Variants in SLC4A7 observed in about 807,000 individuals in gnomAD.
The protein encoded by SLC4A7 is sodium bicarbonate cotransporter 3.
In SLC4A7, 51 loss-of-function variants were observed where a neutral mutation model predicts 137.6. The ratio of observed to expected loss-of-function variants is 0.37; its 90% CI spans 0.30 to 0.47. The LOEUF is 0.47. Among genes scored for constraint, SLC4A7 ranks in the 20% least tolerant of loss-of-function variants. The pLI is 1.00. For synonymous variants in SLC4A7, 542 were observed against 518.6 expected (o/e 1.05, Z -0.61); for missense variants, 1,247 against 1,525.4 (o/e 0.82, Z 3.04).
At chr3:27,464,513 C>T (rs1377339036) in intron 1 of SLC4A7, among the ~76,000 whole-genome samples, 12 of 151,874 alleles carry the variant, frequency 7.9e-5, no homozygotes, top group Admixed American at 7.9e-4. Flanking sequence ...CTGGAAAACA[C>T]AGCAAACCCC....
intron 11 of SLC4A7, among the ~76,000 whole-genome samples, chr3:27,414,984 T>C (rs1349989758): frequency 1.3e-5 from 2 of 152,198 alleles, no homozygotes; most frequent in Middle Eastern, 3.2e-3. Flanking sequence ...ATAATAATGA[T>C]GGTGCCTTCA....
At chr3:27,419,681 A>G (rs1488851037) in intron 10 of SLC4A7, among the ~76,000 whole-genome samples, 5 of 151,872 alleles carry the variant, frequency 3.3e-5, no homozygotes, top group Non-Finnish European at 7.4e-5. Flanking sequence ...AGTCATTAAT[A>G]TCTTTGGACT....
intron 21 of SLC4A7, among the ~76,000 whole-genome samples, chr3:27,390,897 C>T (rs2051481983): frequency 1.3e-5 from 2 of 152,114 alleles, no homozygotes; most frequent in Admixed American, 6.5e-5. Flanking sequence ...GACTACAGCT[C>T]ACAGCAGCCT....
At chr3:27,437,351 C>CAA (rs538588474) in intron 4 of SLC4A7, 37 bp downstream of exon 4, 836 of 1,107,614 alleles carry the variant, frequency 7.5e-4, no homozygotes, top group South Asian at 1.3e-3. Context: ...AACTCCATCT[C>CAA]AAAAAAAAAA....
intron 3 of SLC4A7, among the ~76,000 whole-genome samples, chr3:27,445,948 AAAAAAAAAAAAAAAAAT>A (rs1304975123): frequency 4.8e-4 from 16 of 33,454 alleles, no homozygotes; most frequent in South Asian, 1.1e-3. Flanking sequence ...AAAAAAAAAA[AAAAAAAAAAAAAAAAAT>A]ATATATATAT....
chr3:27,377,310 C>T (rs1327730271), intron 25 of SLC4A7, among the ~76,000 whole-genome samples: 2 of 152,050 alleles, frequency 1.3e-5, no homozygotes, highest in African/African-American at 4.8e-5. Flanking sequence ...ACCAATACAT[C>T]TATTCTATAT....
intron 12 of SLC4A7, 31 bp from the exon 13 acceptor site, chr3:27,409,561 G>C: frequency 6.4e-7 from 1 of 1,569,176 alleles, no homozygotes; most frequent in Non-Finnish European, 8.7e-7. Flanking sequence ...TCGTCAAACT[G>C]TACACTAGAG....
chr3:27,449,738 T>G (rs577154330), intron 2 of SLC4A7, among the ~76,000 whole-genome samples: 2 of 152,170 alleles, frequency 1.3e-5, no homozygotes, highest in African/African-American at 4.8e-5. Flanking sequence ...AAATGAGTGT[T>G]GAGTGAAGAG....
chr3:27,437,421 T>C lies in SLC4A7; in HGVS notation c.395A>G (p.Asp132Gly). 1 of 1,594,084 alleles carries C rather than the reference T, an allele frequency of 6.3e-7. No individual in the cohort carries two copies. Among genetic ancestry groups the C allele is most frequent in the South Asian group, 1.1e-5 (1 of 87,830 alleles). The change falls in exon 4 of 26, where the codon GAT becomes GGT. Residue 132 changes from aspartate to glycine, a missense_variant. By Grantham distance (94) the Asp-to-Gly change is moderately conservative. This residue lies in a region of SLC4A7 where 176 missense variants were observed against 186.4 expected (regional missense o/e 0.94). Transcript: ENST00000454389. ...FTEMDELCYR[D>G]GEEYEWKETA... The stretch of plus-strand genomic sequence containing the variant: ...TTCTTTCCATTCATATTCTTCTCCA[T>C]CTCTGTAACACAGTTCATCCATTTC...
intron 1 of SLC4A7, among the ~76,000 whole-genome samples, chr3:27,454,115 G>A (rs983996729): frequency 4.6e-5 from 7 of 152,028 alleles, no homozygotes; most frequent in African/African-American, 1.4e-4. Context: ...TTTGAGACCA[G>A]CCTAGACAAC....
At chr3:27,383,119 T>C in intron 24 of SLC4A7, 34 bp downstream of exon 24, 1 of 1,187,990 alleles carries the variant, frequency 8.4e-7, no homozygotes. Flanking sequence ...TTGACATGCA[T>C]ATAAAAGTTT....
At chr3:27,407,059 G>A (rs1457248030) in intron 13 of SLC4A7, among the ~76,000 whole-genome samples, 15 of 150,672 alleles carry the variant, frequency 1.0e-4, no homozygotes, top group Admixed American at 9.9e-4. Context: ...TAAAATTAAG[G>A]TTCCCCTCTC....
chr3:27,382,618 T>C (rs186636956), intron 24 of SLC4A7, among the ~76,000 whole-genome samples: 12 of 152,316 alleles, frequency 7.9e-5, no homozygotes, highest in African/African-American at 2.4e-4. Context: ...TCTTGCATCA[T>C]ATGAACCCTC....
chr3:27,422,925 G>A (rs1055395713), intron 8 of SLC4A7: 9 of 407,274 alleles, frequency 2.2e-5, no homozygotes, highest in East Asian at 7.3e-5. Context: ...AAAAATAAAC[G>A]GCAACTGCCA....
At chr3:27,405,279 G>C (rs2053224231) in intron 13 of SLC4A7, among the ~76,000 whole-genome samples, 1 of 151,912 alleles carries the variant, frequency 6.6e-6, no homozygotes, top group Admixed American at 6.6e-5. Context: ...ACACTCAAAA[G>C]GAAATGCTCA....
At chr3:27,480,077 C>G (rs548887190) in intron 1 of SLC4A7, among the ~76,000 whole-genome samples, 2 of 152,184 alleles carry the variant, frequency 1.3e-5, no homozygotes, top group South Asian at 4.1e-4. Context: ...CAGGTTCCTC[C>G]AATACCAGGT....
intron 22 of SLC4A7, among the ~76,000 whole-genome samples, chr3:27,386,622 ATTT>A (rs1292327642): frequency 1.3e-5 from 2 of 152,066 alleles, no homozygotes; most frequent in Non-Finnish European, 2.9e-5. Flanking sequence ...TTGAATAGAA[ATTT>A]TTTATCTGCC....
At position 27,476,439 on chromosome 3, in the gene SLC4A7, T is replaced by C. The variant is rs373828850; in HGVS notation, c.60+7628A>G. On this transcript the variant is annotated intron_variant, in intron 1 of 25. Transcript: ENST00000454389. The stretch of plus-strand genomic sequence containing the variant: ...TGGTTAATACCATAAATAAAAGCCA[T>C]ATAACATATTACTTGACTAAACAAC... 8.5e-5 allele frequency among the ~76,000 whole-genome samples: 13 copies of C among 152,352 alleles called. No homozygotes were observed. The East Asian group carries it at 1.9e-3, about 23-fold the overall frequency.
chr3:27,456,759 T>C (rs1576586584), intron 1 of SLC4A7: 2 of 1,581,794 alleles, frequency 1.3e-6, no homozygotes, highest in Non-Finnish European at 1.7e-6. Context: ...AGTGAGCACA[T>C]ATCTGATTTA....
Sources: allele counts gnomAD v4.1 joint callset (sites outside exome capture counted in the v4.1 genomes callset), GRCh38; gene constraint gnomAD v4.1.1; regional missense constraint gnomAD v4.1.1; transcripts MANE v1.5; gene names NCBI Gene and HGNC (gene_info 2026-07-23, HGNC 2026-07-21).